The following ADGRB3 variants were observed in gnomAD, a reference collection of about 807,000 sequenced individuals.
ADGRB3 encodes the protein adhesion G protein-coupled receptor B3.
In ADGRB3, 37 loss-of-function variants were observed where a neutral mutation model predicts 193.4. That is an observed-to-expected ratio of 0.19 (90% confidence interval 0.15 to 0.25). The LOEUF is 0.25. Ranked by LOEUF, ADGRB3 falls within the 10% of genes least tolerant of loss-of-function variation. The probability of loss-of-function intolerance (pLI) is 1.00; values close to 1 mark genes in which losing one functional copy is unlikely to be tolerated. For missense variants in ADGRB3, 1,637 were observed against 1,852.9 expected, an observed-to-expected ratio of 0.88 and a Z score of 2.14; for synonymous variants, 690 against 644.2, an observed-to-expected ratio of 1.07 and a Z score of -1.08.
chr6:69,261,784 G>A (rs1027487245), intron 20 of ADGRB3, among the ~76,000 whole-genome samples: 3 of 152,018 alleles, frequency 2.0e-5, no homozygotes, highest in Admixed American at 1.3e-4. Context: ...ACATTTCTGA[G>A]CAAAGGAAAG....
intron 5 of ADGRB3, among the ~76,000 whole-genome samples, chr6:68,943,175 C>T (rs1404763921): frequency 1.3e-5 from 2 of 152,018 alleles, no homozygotes; most frequent in East Asian, 1.9e-4. Flanking sequence ...AAGAGATTAT[C>T]GTATTTTCCA....
intron 3 of ADGRB3, among the ~76,000 whole-genome samples, chr6:68,835,703 A>T (rs1210692064): frequency 1.3e-5 from 2 of 151,966 alleles, no homozygotes; most frequent in African/African-American, 4.8e-5. Context: ...ATTCTTAAGG[A>T]ATCTATTTAT....
chr6:68,777,668 T>TA (rs561834409), intron 3 of ADGRB3, among the ~76,000 whole-genome samples: 5,260 of 77,836 alleles, frequency 0.068, 157 homozygotes, highest in Non-Finnish European at 0.07. Context: ...CTCTGGGATC[T>TA]AAAAAAAAAA....
intron 17 of ADGRB3, among the ~76,000 whole-genome samples, chr6:69,221,618 A>T (rs1765895931): frequency 6.6e-6 from 1 of 152,180 alleles, no homozygotes. Flanking sequence ...CTTACAAAAG[A>T]GGTCCTTCTT....
rs752022044 is a variant in ADGRB3, at chr6:69,360,896, G to A, written c.3623G>A (p.Arg1208Gln). ...SVLHKDIGPC[R>Q]AATITGTLSR... The stretch of plus-strand genomic sequence containing the variant: ...CTTCATAAGGATATTGGTCCTTGCC[G>A]AGCAGCCACAATAACAGGAACACTT... Residue 1208 changes from arginine (R) to glutamine (Q), a missense_variant, in exon 29 of 32, where the codon CGA becomes CAA. Transcript: ENST00000370598. 1.7e-5 allele frequency: 27 copies of A among 1,609,424 alleles called. No individual in the cohort carries two copies. The East Asian group carries it at 1.8e-4, about 11-fold the overall frequency.
At chr6:68,842,829 A>G (rs1187322193) in intron 3 of ADGRB3, among the ~76,000 whole-genome samples, 1 of 152,038 alleles carries the variant, frequency 6.6e-6, no homozygotes, top group Non-Finnish European at 1.5e-5. Flanking sequence ...CATCATCACC[A>G]AGTGGGATTT....
intron 3 of ADGRB3, among the ~76,000 whole-genome samples, chr6:68,700,721 A>C (rs1765229060): frequency 6.6e-6 from 1 of 151,004 alleles, no homozygotes; most frequent in Admixed American, 6.6e-5. Flanking sequence ...TATCGCAAGG[A>C]CAAAAAGCCA....
chr6:68,845,733 C>A (rs914268097), intron 3 of ADGRB3, among the ~76,000 whole-genome samples: 3 of 152,176 alleles, frequency 2.0e-5, no homozygotes, highest in Non-Finnish European at 2.9e-5. Context: ...ACCTCCCCAG[C>A]CATGTGAAAC....
At chr6:69,014,482 C>T (rs1770032313) in intron 12 of ADGRB3, among the ~76,000 whole-genome samples, 1 of 151,752 alleles carries the variant, frequency 6.6e-6, no homozygotes, top group African/African-American at 2.4e-5. Context: ...TACTACAATG[C>T]TACATATAAT....
At chr6:69,073,665 A>T (rs970370883) in intron 16 of ADGRB3, among the ~76,000 whole-genome samples, 3 of 152,090 alleles carry the variant, frequency 2.0e-5, no homozygotes, top group African/African-American at 7.2e-5. Context: ...CACATTCCTT[A>T]TACTGCACAG....
At chr6:68,797,317 T>C (rs1767228489) in intron 3 of ADGRB3, among the ~76,000 whole-genome samples, 2 of 152,018 alleles carry the variant, frequency 1.3e-5, no homozygotes, top group African/African-American at 4.8e-5. Context: ...TTTAATTCTG[T>C]CTAGGACAGT....
chr6:69,219,614 T>C lies in ADGRB3; in HGVS notation c.2481-13676T>C, dbSNP rs569495192. On this transcript the variant is annotated intron_variant, in intron 17 of 31. Coordinates refer to ENST00000370598, the MANE Select transcript of ADGRB3 (RefSeq NM_001704.3). The stretch of plus-strand genomic sequence containing the variant: ...AAGGAACACAACTGGAGTTTTCAAC[T>C]TTGCTAAATCTTTGCTAAAAGATTA... Among the ~76,000 whole-genome samples the C allele has an allele frequency of 6.0e-5, 9 of 151,010 alleles. No individual in the cohort carries two copies. The South Asian group carries it at 1.9e-3, about 32-fold the overall frequency.
In ADGRB3 at chr6:69,141,916, G is replaced by A. The variant is rs151120730; in HGVS notation, c.2480+65878G>A. Among the ~76,000 whole-genome samples, 431 of 152,320 alleles carry A rather than the reference G, an allele frequency of 2.8e-3. 2 individuals are homozygous for A. The highest frequency in any genetic ancestry group is 9.8e-3 in the African/African-American group (408 of 41,576). Reference sequence around the variant, plus strand: ...GTAAGAAGCAGGGTTGGGACTAGAAGCTAAATCTTAACTGAATTACATACA... The same window carrying A: ...GTAAGAAGCAGGGTTGGGACTAGAAACTAAATCTTAACTGAATTACATACA... On this transcript the variant is annotated intron_variant, in intron 17 of 31. Transcript: ENST00000370598.
Position 69,295,007 on chromosome 6 carries a change from T to G in ADGRB3, c.2815-29865T>G, listed in dbSNP as rs567774869. Among the ~76,000 whole-genome samples, 19 of 152,328 alleles carry G rather than the reference T, an allele frequency of 1.2e-4. No homozygotes were observed. The East Asian group carries it at 3.5e-3, about 28-fold the overall frequency. On this transcript the variant is annotated intron_variant, in intron 20 of 31. Coordinates refer to ENST00000370598, the MANE Select transcript of ADGRB3 (RefSeq NM_001704.3). ...GGTGACGTTCTGTCATTTCTGTTTC[T>G]GTGCCTTTGCTTATAACTCTCTCTC...
chr6:69,233,387 G>T lies in ADGRB3; in HGVS notation c.2578G>T (p.Ala860Ser). 1 of 1,613,898 alleles carries T rather than the reference G, an allele frequency of 6.2e-7. No individual in the cohort carries two copies. Among genetic ancestry groups the T allele is most frequent in the African/African-American group, 1.3e-5 (1 of 74,980 alleles). ...KCLCDRLSTF[A>S]ILAQQPREII... ...CTTATGTGATCGTCTCTCTACCTTC[G>T]CCATTTTGGCTCAGCAACCTAGAGA... The change falls in exon 18 of 32, where the codon GCC (alanine) becomes TCC (serine). Residue 860 changes from alanine (A) to serine (S), a missense_variant. By Grantham distance (99) the Ala-to-Ser change is moderately conservative (BLOSUM62 1). Transcript: ENST00000370598.
chr6:68,747,216 T>G (rs1766102265), intron 3 of ADGRB3, among the ~76,000 whole-genome samples: 1 of 152,234 alleles, frequency 6.6e-6, no homozygotes, highest in African/African-American at 2.4e-5. Flanking sequence ...GACCATTTTC[T>G]TTCAGGCTAT....
intron 20 of ADGRB3, among the ~76,000 whole-genome samples, chr6:69,276,411 T>C (rs1226837369): frequency 6.6e-6 from 1 of 152,100 alleles, no homozygotes; most frequent in African/African-American, 2.4e-5. Context: ...ATAAACAACC[T>C]CTCAAATATA....
intron 16 of ADGRB3, among the ~76,000 whole-genome samples, chr6:69,064,449 GT>G (rs1269089002): frequency 6.6e-6 from 1 of 151,870 alleles, no homozygotes; most frequent in Non-Finnish European, 1.5e-5. Context: ...TTAAGAACGT[GT>G]TTTAGTTCTA....
intron 20 of ADGRB3, among the ~76,000 whole-genome samples, chr6:69,316,830 C>T (rs1768322728): frequency 6.6e-6 from 1 of 151,394 alleles, no homozygotes; most frequent in South Asian, 2.1e-4. Flanking sequence ...AGAGAATAAA[C>T]CAATGAGAAC....
Sources: allele counts gnomAD v4.1 joint callset (sites outside exome capture counted in the v4.1 genomes callset), GRCh38; gene constraint gnomAD v4.1.1; transcripts MANE v1.5; gene names NCBI Gene and HGNC (gene_info 2026-07-23, HGNC 2026-07-21).